Variants in PDZD2 observed in about 807,000 individuals in gnomAD.
PDZD2 encodes PDZ domain-containing protein 2.
In PDZD2, 90 loss-of-function variants were observed where a neutral mutation model predicts 220.7. The ratio of observed to expected loss-of-function variants is 0.41; its 90% CI spans 0.34 to 0.49. The LOEUF (loss-of-function observed/expected upper bound fraction) is 0.49. Among genes scored for constraint, PDZD2 ranks in the 20% least tolerant of loss-of-function variants. The probability of loss-of-function intolerance (pLI) is 0.28; values close to 1 mark genes in which losing one functional copy is unlikely to be tolerated. For missense variants in PDZD2, 3,174 were observed against 3,608.5 expected (o/e 0.88, Z 3.08); for synonymous variants, 1,375 against 1,450.5 (o/e 0.95, Z 1.18).
chr5:31,678,388 C>T (rs1746526329), intron 1 of PDZD2, among the ~76,000 whole-genome samples: 1 of 152,152 alleles, frequency 6.6e-6, no homozygotes, highest in Non-Finnish European at 1.5e-5. Flanking sequence ...GGGGAATTCC[C>T]TGAGAGAGCT....
rs1189355264 is a variant in PDZD2, at chr5:32,088,729, A to G, written c.5281A>G (p.Ser1761Gly). Residue 1761 changes from serine to glycine, a missense_variant, in exon 20 of 25, where the codon AGT (serine) becomes GGT (glycine). Ser to Gly is a moderately conservative substitution (Grantham distance 56). This residue lies in a region of PDZD2 where 1,861 missense variants were observed against 2,001.0 expected (regional missense o/e 0.93). Transcript: ENST00000438447. The surrounding 1 kb of genome is among the most constrained non-coding windows in gnomAD (Gnocchi z 4.6). ...TGCAGCTGCCAGTCTGTCCTCCTTC[A>G]GTGTGGATGTCCCTAAGAATGGAGA... ...INAAASLSSF[S>G]VDVPKNGESV... The G allele has an allele frequency of 1.2e-6, 2 of 1,614,160 alleles. No homozygotes were observed. Among genetic ancestry groups the G allele is most frequent in the East Asian group, 2.2e-5 (1 of 44,866 alleles).
intron 1 of PDZD2, among the ~76,000 whole-genome samples, chr5:31,757,254 C>T (rs1580696781): frequency 6.6e-6 from 1 of 152,152 alleles, no homozygotes; most frequent in East Asian, 1.9e-4. Flanking sequence ...CTACTGCACT[C>T]CAAACTGGAT....
intron 21 of PDZD2, among the ~76,000 whole-genome samples, chr5:32,094,589 C>T (rs1404748334): frequency 2.6e-5 from 4 of 151,682 alleles, no homozygotes; most frequent in Admixed American, 2.6e-4. Flanking sequence ...TTCTGATTCT[C>T]AGCCGCTGAT....
In PDZD2 at chr5:31,799,181, G is replaced by T; in HGVS notation, c.-68G>T. 9.5e-7 allele frequency: 1 copy of T among 1,049,268 alleles called. No individual in the cohort carries two copies. Among genetic ancestry groups the T allele is most frequent in the Non-Finnish European group, 1.4e-6 (1 of 715,270 alleles). 65.0% of individuals were successfully genotyped at this position (1,049,268 alleles called of 1,614,324 possible). ...GATGGCCAGGGACCCCAGGGGACGT[G>T]GGGCCCTGTGGGGTCTGGCCCCCAG... On this transcript the variant is annotated 5_prime_UTR_variant, in exon 2 of 25. Transcript: ENST00000438447.
chr5:31,902,400 A>T lies in PDZD2; in HGVS notation c.477-80755A>T, dbSNP rs144970493. Among the ~76,000 whole-genome samples the T allele has an allele frequency of 2.9e-3, 440 of 151,458 alleles. 3 individuals are homozygous for T. The highest frequency in any genetic ancestry group is 0.019 in the Admixed American group (290 of 15,240). ...TTTTGTATATCTTCTTTGGAGAAACATCTATTCAGATCTTTAGCCTGTTAC... is the reference window on the plus strand; with the variant it reads ...TTTTGTATATCTTCTTTGGAGAAACTTCTATTCAGATCTTTAGCCTGTTAC... On this transcript the variant is annotated intron_variant, in intron 2 of 24. Coordinates refer to ENST00000438447, the MANE Select transcript of PDZD2 (RefSeq NM_178140.4).
chr5:32,017,159 G>A lies in PDZD2; in HGVS notation c.1407+6677G>A, dbSNP rs539057747. ...CCATGAATTTAAAATGGCCTGGGCC[G>A]GGCACAGTGGCTCACACCTGTAACC... On this transcript the variant is annotated intron_variant, in intron 6 of 24. Transcript: ENST00000438447. Among the ~76,000 whole-genome samples the A allele has an allele frequency of 7.5e-4, 114 of 152,284 alleles. 2 individuals carry two copies. The highest frequency in any genetic ancestry group is 6.0e-3 in the South Asian group (29 of 4,822).
intron 2 of PDZD2, among the ~76,000 whole-genome samples, chr5:31,946,152 G>A (rs1404217706): frequency 6.6e-6 from 1 of 152,154 alleles, no homozygotes; most frequent in Non-Finnish European, 1.5e-5. Flanking sequence ...ACAGGCGTGC[G>A]CCACCACACC....
intron 2 of PDZD2, among the ~76,000 whole-genome samples, chr5:31,980,751 T>A (rs1750224138): frequency 6.6e-6 from 1 of 151,854 alleles, no homozygotes; most frequent in South Asian, 2.1e-4. Flanking sequence ...AGAGACAGGT[T>A]CAATTTTTAT....
At chr5:31,963,816 T>C (rs1748469437) in intron 2 of PDZD2, among the ~76,000 whole-genome samples, 1 of 152,184 alleles carries the variant, frequency 6.6e-6, no homozygotes, top group Admixed American at 6.5e-5. Flanking sequence ...AGCCCCACTC[T>C]GTGCTTAGGG....
At chr5:31,679,475 G>C in intron 1 of PDZD2, among the ~76,000 whole-genome samples, 1 of 151,676 alleles carries the variant, frequency 6.6e-6, no homozygotes, top group Admixed American at 6.6e-5. Context: ...CTGTGTTGTG[G>C]TGTGTTGTGT....
intron 2 of PDZD2, among the ~76,000 whole-genome samples, chr5:31,880,328 GATTAA>G (rs1301838093): frequency 1.3e-5 from 2 of 152,136 alleles, no homozygotes; most frequent in African/African-American, 4.8e-5. Flanking sequence ...AGACACAGAT[GATTAA>G]ATTATTATTC....
intron 1 of PDZD2, among the ~76,000 whole-genome samples, chr5:31,795,448 A>C (rs1294064981): frequency 6.6e-6 from 1 of 152,232 alleles, no homozygotes; most frequent in Non-Finnish European, 1.5e-5. Context: ...TATTTGCTTG[A>C]GATGGCAATC....
At chr5:31,891,127 CTTTTTTTTTTTT>C (rs869189606) in intron 2 of PDZD2, among the ~76,000 whole-genome samples, 2 of 96,420 alleles carry the variant, frequency 2.1e-5, no homozygotes, top group East Asian at 2.8e-4. Context: ...GGGGTTTTTC[CTTTTTTTTTTTT>C]TTTTTTTTTT....
At chr5:31,671,536 T>C (rs1000533629) in intron 1 of PDZD2, among the ~76,000 whole-genome samples, 2 of 152,178 alleles carry the variant, frequency 1.3e-5, no homozygotes, top group African/African-American at 4.8e-5. Flanking sequence ...GTCCTTGAAG[T>C]TGTGTCTCGA....
intron 5 of PDZD2, among the ~76,000 whole-genome samples, chr5:32,008,136 A>T (rs560070883): frequency 2.1e-5 from 3 of 143,962 alleles, no homozygotes; most frequent in South Asian, 2.3e-4. Flanking sequence ...TAAAATAATA[A>T]AAATAAATAA....
intron 2 of PDZD2, among the ~76,000 whole-genome samples, chr5:31,974,439 A>G (rs895295228): frequency 6.6e-6 from 1 of 152,248 alleles, no homozygotes; most frequent in Middle Eastern, 3.2e-3. Context: ...TATCAAGAAT[A>G]GAATGTCATT....
chr5:32,062,520 A>G (rs1216047881), intron 14 of PDZD2, among the ~76,000 whole-genome samples: 1 of 151,648 alleles, frequency 6.6e-6, no homozygotes, highest in Non-Finnish European at 1.5e-5. Flanking sequence ...CAGCCTCCAG[A>G]GTAGCTGGGA....
chr5:31,708,078 T>C (rs1374277946), intron 1 of PDZD2, among the ~76,000 whole-genome samples: 4 of 152,202 alleles, frequency 2.6e-5, no homozygotes, highest in African/African-American at 4.8e-5. Flanking sequence ...TAATACTAGG[T>C]TGGGGGAGGC....
chr5:31,990,533 A>G (rs1751125748), intron 3 of PDZD2, among the ~76,000 whole-genome samples: 1 of 152,196 alleles, frequency 6.6e-6, no homozygotes, highest in African/African-American at 2.4e-5. Context: ...CTCCAACTGG[A>G]CCAGGGTTCA....
Sources: gnomAD v4.1 joint callset for allele counts (sites outside exome capture counted in the v4.1 genomes callset) on GRCh38, gnomAD v4.1.1 for gene constraint, gnomAD v4.1.1 regional missense constraint, Gnocchi (gnomAD v3.1) non-coding constraint, MANE v1.5 for transcripts, NCBI Gene and HGNC (gene_info 2026-07-23, HGNC 2026-07-21) for gene names.